Variants in PDCD1LG2 observed in about 807,000 individuals in gnomAD.
PDCD1LG2 encodes the protein programmed cell death 1 ligand 2.
In PDCD1LG2, 32 loss-of-function variants were observed where a neutral mutation model predicts 28.2. The ratio of observed to expected loss-of-function variants is 1.13; its 90% confidence interval spans 0.86 to 1.52. The LOEUF (loss-of-function observed/expected upper bound fraction) is 1.52. PDCD1LG2 is among the 40% of genes most tolerant of loss of function. PDCD1LG2 has a pLI of 0.00. For missense variants in PDCD1LG2, 385 were observed against 323.8 expected (o/e 1.19, Z -1.45); for synonymous variants, 116 against 120.2 (o/e 0.97, Z 0.23).
chr9:5,546,687 C>T (rs1173175248), intron 3 of PDCD1LG2, among the ~76,000 whole-genome samples: 1 of 152,160 alleles, frequency 6.6e-6, no homozygotes, highest in African/African-American at 2.4e-5. Context: ...GAGACACATC[C>T]TCTTATGGTG....
intron 4 of PDCD1LG2, among the ~76,000 whole-genome samples, chr9:5,556,990 A>G (rs1458104496): frequency 6.6e-6 from 1 of 152,198 alleles, no homozygotes; most frequent in Non-Finnish European, 1.5e-5. Context: ...CAAAGGGCCA[A>G]TTGTAATAAT....
At chr9:5,543,725 C>T (rs1272532518) in intron 3 of PDCD1LG2, among the ~76,000 whole-genome samples, 1 of 152,046 alleles carries the variant, frequency 6.6e-6, no homozygotes, top group Non-Finnish European at 1.5e-5. Context: ...CTTGGGGAAA[C>T]AGAAGGGTGT....
intron 4 of PDCD1LG2, among the ~76,000 whole-genome samples, chr9:5,555,587 C>A (rs1475318858): frequency 2.0e-5 from 3 of 152,176 alleles, no homozygotes; most frequent in Non-Finnish European, 4.4e-5. Flanking sequence ...ATGTAACACT[C>A]AGGTGGTTCA....
chr9:5,556,412 A>G (rs953699828), intron 4 of PDCD1LG2, among the ~76,000 whole-genome samples: 11 of 152,158 alleles, frequency 7.2e-5, no homozygotes, highest in Non-Finnish European at 1.0e-4. Flanking sequence ...ACTCTTTTGG[A>G]TGGAGACAAA....
At chr9:5,545,402 AG>A (rs1816170172) in intron 3 of PDCD1LG2, among the ~76,000 whole-genome samples, 1 of 152,268 alleles carries the variant, frequency 6.6e-6, no homozygotes, top group Non-Finnish European at 1.5e-5. Flanking sequence ...TTCCAATGGA[AG>A]TTTAACTTGC....
At chr9:5,558,669 A>G (rs1316116578) in intron 5 of PDCD1LG2, among the ~76,000 whole-genome samples, 1 of 152,210 alleles carries the variant, frequency 6.6e-6, no homozygotes, top group Non-Finnish European at 1.5e-5. Context: ...CTATATTTTC[A>G]TCTGCCATAA....
intron 1 of PDCD1LG2, among the ~76,000 whole-genome samples, chr9:5,512,272 G>T (rs1449818468): frequency 6.6e-6 from 1 of 152,150 alleles, no homozygotes; most frequent in African/African-American, 2.4e-5. Context: ...CACTGTAGCT[G>T]GGCTCGATAA....
intron 2 of PDCD1LG2, among the ~76,000 whole-genome samples, chr9:5,525,939 C>T (rs932622916): frequency 1.3e-5 from 2 of 151,088 alleles, no homozygotes; most frequent in African/African-American, 2.4e-5. Flanking sequence ...CCCAGCTACT[C>T]GGGAGTCTGA....
intron 2 of PDCD1LG2, among the ~76,000 whole-genome samples, chr9:5,533,971 T>A (rs574116282): frequency 5.7e-4 from 86 of 151,262 alleles, no homozygotes; most frequent in Non-Finnish European, 1.1e-3. Context: ...TTCCCTTTAT[T>A]GTCAGAAAAT....
At chr9:5,541,457 T>A (rs1388727313) in intron 3 of PDCD1LG2, among the ~76,000 whole-genome samples, 3 of 152,156 alleles carry the variant, frequency 2.0e-5, no homozygotes, top group African/African-American at 4.8e-5. Context: ...TAGAAAACCC[T>A]AAGGATTCAT....
At chr9:5,556,669 G>A (rs180762486) in intron 4 of PDCD1LG2, among the ~76,000 whole-genome samples, 2 of 152,308 alleles carry the variant, frequency 1.3e-5, no homozygotes, top group East Asian at 3.9e-4. Flanking sequence ...GGAGGACTGA[G>A]CCCTTCCCGC....
intron 5 of PDCD1LG2, 61 bp from the exon 6 acceptor site, chr9:5,563,101 T>C: frequency 1.5e-6 from 2 of 1,305,950 alleles, no homozygotes; most frequent in South Asian, 2.5e-5. Context: ...CATATTTTAA[T>C]CTATAAGCCA....
intron 1 of PDCD1LG2, among the ~76,000 whole-genome samples, chr9:5,518,759 A>G (rs1820217052): frequency 6.6e-6 from 1 of 152,110 alleles, no homozygotes. Flanking sequence ...AGTTGCCTAT[A>G]TTTGTTGCCA....
chr9:5,534,267 T>A (rs1345632584), intron 2 of PDCD1LG2, among the ~76,000 whole-genome samples: 1 of 152,150 alleles, frequency 6.6e-6, no homozygotes, highest in African/African-American at 2.4e-5. Flanking sequence ...TATGGATTAA[T>A]CAATATGGAT....
intron 4 of PDCD1LG2, among the ~76,000 whole-genome samples, chr9:5,555,029 C>T (rs1816409826): frequency 6.6e-6 from 1 of 152,132 alleles, no homozygotes; most frequent in Non-Finnish European, 1.5e-5. Context: ...GTATATCTAG[C>T]AAGTTGCATG....
intron 5 of PDCD1LG2, among the ~76,000 whole-genome samples, chr9:5,558,648 A>G (rs1816494868): frequency 6.6e-6 from 1 of 152,174 alleles, no homozygotes; most frequent in Non-Finnish European, 1.5e-5. Flanking sequence ...TTACATTTAT[A>G]CTCATAACTT....
intron 3 of PDCD1LG2, among the ~76,000 whole-genome samples, chr9:5,536,854 C>A (rs923178468): frequency 2.2e-4 from 34 of 152,196 alleles, no homozygotes; most frequent in African/African-American, 8.0e-4. Context: ...TACTCGTTCC[C>A]AAAATTGACG....
At chr9:5,535,451 T>A (rs759479123) in intron 3 of PDCD1LG2, among the ~76,000 whole-genome samples, 1 of 152,150 alleles carries the variant, frequency 6.6e-6, no homozygotes, top group Non-Finnish European at 1.5e-5. Flanking sequence ...TTGCCGCCCA[T>A]TCATGGATTA....
rs761354277 is a variant in PDCD1LG2 at position 5,549,422 on chromosome 9, T to C, written c.449T>C (p.Leu150Pro). The part of the protein sequence containing the change: ...ELTCQATGYP[L>P]AEVSWPNVSV... ...ACCTGCCAGGCTACAGGTTATCCTC[T>C]GGCAGAAGTATCCTGGCCAAACGTC... The change falls in exon 4 of 7, where the codon CTG becomes CCG. Residue 150 changes from leucine to proline, a missense_variant. Transcript: ENST00000397747. 2 of 1,614,210 alleles carry C rather than the reference T, an allele frequency of 1.2e-6. No individual in the cohort carries two copies. Among genetic ancestry groups the C allele is most frequent in the South Asian group, 1.1e-5 (1 of 91,088 alleles).
Sources: allele counts gnomAD v4.1 joint callset (sites outside exome capture counted in the v4.1 genomes callset), GRCh38; gene constraint gnomAD v4.1.1; transcripts MANE v1.5; gene names NCBI Gene and HGNC (gene_info 2026-07-23, HGNC 2026-07-21).